DST: variants seen among roughly 807,000 people sequenced by gnomAD.
DST encodes the protein bullous pemphigoid antigen.
In DST, 253 loss-of-function variants were observed where a neutral mutation model predicts 875.2. That is an observed-to-expected ratio of 0.29 (90% CI 0.26 to 0.32). The LOEUF is 0.32. Among genes scored for constraint, DST ranks in the 10% least tolerant of loss-of-function variants. DST has a pLI of 1.00. For synonymous variants in DST, 3,124 were observed against 3,197.1 expected (o/e 0.98, Z 0.77); for missense variants, 8,287 against 9,111.6 (o/e 0.91, Z 3.68).
intron 9 of DST, among the ~76,000 whole-genome samples, chr6:56,694,099 A>G (rs2099249020): frequency 6.6e-6 from 1 of 150,496 alleles, no homozygotes; most frequent in African/African-American, 2.4e-5. Flanking sequence ...TTTTATAATC[A>G]TACCCTAGTT....
intron 4 of DST, among the ~76,000 whole-genome samples, chr6:56,793,480 A>G (rs961580959): frequency 7.9e-5 from 12 of 152,340 alleles, no homozygotes; most frequent in Non-Finnish European, 1.6e-4. Context: ...GTAGACTTTA[A>G]GTTTTTCAAA....
At position 56,704,270 on chromosome 6, in the gene DST, T is replaced by G. The variant is rs762269607; in HGVS notation, c.777+10A>C. On this transcript the variant is annotated intron_variant, in intron 6 of 103. Transcript: ENST00000680361. The stretch of plus-strand genomic sequence containing the variant: ...GTTCTTCAAAATAAAATAAGAAAGT[T>G]AAAACTTACCAAGGTATCTCCTGAA... The G allele has an allele frequency of 1.4e-6, 2 of 1,415,572 alleles. No homozygotes were observed. The highest frequency in any genetic ancestry group is 1.9e-6 in the Non-Finnish European group (2 of 1,031,628). 87.7% of individuals were successfully genotyped at this position (1,415,572 alleles called of 1,614,324 possible).
chr6:56,680,020 G>T (rs1373903762), intron 9 of DST, among the ~76,000 whole-genome samples: 1 of 151,902 alleles, frequency 6.6e-6, no homozygotes, highest in Non-Finnish European at 1.5e-5. Context: ...TCTCACGTGG[G>T]TCTCTCAGTA....
intron 2 of DST, among the ~76,000 whole-genome samples, chr6:56,942,064 G>A (rs1009099973): frequency 3.3e-5 from 5 of 152,016 alleles, no homozygotes; most frequent in Admixed American, 6.5e-5. Context: ...TCATCATTGC[G>A]GAACATCCCT....
chr6:56,693,247 A>G (rs2099244123), intron 9 of DST: 5 of 1,201,936 alleles, frequency 4.2e-6, no homozygotes, highest in Middle Eastern at 2.3e-4. Context: ...CCACTCTGAC[A>G]TCTGTTCCAC....
chr6:56,848,496 T>C (rs1233493916), intron 4 of DST, among the ~76,000 whole-genome samples: 1 of 152,176 alleles, frequency 6.6e-6, no homozygotes, highest in African/African-American at 2.4e-5. Flanking sequence ...AAATTAGAAG[T>C]TGAATTTTCA....
intron 29 of DST, 94 bp downstream of exon 29, chr6:56,631,789 A>T: frequency 1.8e-6 from 2 of 1,134,544 alleles, no homozygotes; most frequent in Non-Finnish European, 2.7e-6. Context: ...GGCTAGTGTG[A>T]GTGTGCAAAA....
At chr6:56,486,118 C>T (rs2095551502) in intron 87 of DST, among the ~76,000 whole-genome samples, 1 of 152,076 alleles carries the variant, frequency 6.6e-6, no homozygotes, top group African/African-American at 2.4e-5. Flanking sequence ...AATCCCAGCA[C>T]TTTGGGAGGC....
chr6:56,633,742 T>C (rs1342295233), intron 27 of DST, among the ~76,000 whole-genome samples: 1 of 151,656 alleles, frequency 6.6e-6, no homozygotes, highest in Non-Finnish European at 1.5e-5. Flanking sequence ...TCTTAGGTGA[T>C]CCACCTGCCT....
chr6:56,642,932 T>C (rs2098920632), intron 15 of DST: 1 of 1,499,638 alleles, frequency 6.7e-7, no homozygotes, highest in East Asian at 2.4e-5. Flanking sequence ...TGCTTCAACA[T>C]GCATATGCAA....
At chr6:56,902,771 GA>G (rs1794726185) in intron 2 of DST, among the ~76,000 whole-genome samples, 1 of 152,212 alleles carries the variant, frequency 6.6e-6, no homozygotes, top group African/African-American at 2.4e-5. Context: ...AGCTGCTGGA[GA>G]AGAGGATTAA....
At chr6:56,820,266 A>G (rs2099771534) in intron 4 of DST, among the ~76,000 whole-genome samples, 1 of 152,194 alleles carries the variant, frequency 6.6e-6, no homozygotes, top group East Asian at 1.9e-4. Flanking sequence ...AAACACTTAT[A>G]CTATGCTTGG....
chr6:56,822,763 G>C (rs534759735), intron 4 of DST, among the ~76,000 whole-genome samples: 5 of 151,518 alleles, frequency 3.3e-5, no homozygotes, highest in African/African-American at 1.2e-4. Flanking sequence ...AGAGGTTCTA[G>C]AACTATATAC....
chr6:56,597,680 T>C lies in DST; in HGVS notation c.12195+60A>G, dbSNP rs918178017. The C allele has an allele frequency of 1.9e-6, 3 of 1,539,640 alleles. No homozygotes were observed. In the African/African-American group the frequency reaches 4.1e-5, roughly 21 times the overall value. On this transcript the variant is annotated intron_variant, in intron 47 of 103. Coordinates refer to ENST00000680361, the MANE Select transcript of DST (RefSeq NM_001374736.1). ...GAAAAGAACTCATGTGCTAGGTTATTTCTCTCTTTACCAACCTGGAAATAG... is the reference window on the plus strand; with the variant it reads ...GAAAAGAACTCATGTGCTAGGTTATCTCTCTCTTTACCAACCTGGAAATAG...
At position 56,463,029 on chromosome 6, in the gene DST, C is replaced by CT; in HGVS notation, c.23070+16dup. 1 of 1,473,342 alleles carries CT rather than the reference C, an allele frequency of 6.8e-7. No individual in the cohort carries two copies. Among genetic ancestry groups the CT allele is most frequent in the African/African-American group, 1.4e-5 (1 of 72,254 alleles). 91.3% of individuals were successfully genotyped at this position (1,473,342 alleles called of 1,614,324 possible). Reference sequence around the variant, plus strand: ...TAAAGGAGAATGTTAAGACTGGACTCTGGGGCCTTACAATACCTCTGCAGA... The same window carrying CT: ...TAAAGGAGAATGTTAAGACTGGACTCTTGGGGCCTTACAATACCTCTGCAGA... On this transcript the variant is annotated intron_variant, in intron 102 of 103. Coordinates refer to ENST00000680361, the MANE Select transcript of DST (RefSeq NM_001374736.1).
At chr6:56,535,866 G>A (rs2096986930) in intron 62 of DST, among the ~76,000 whole-genome samples, 1 of 152,104 alleles carries the variant, frequency 6.6e-6, no homozygotes, top group Non-Finnish European at 1.5e-5. Context: ...ATATCTTATT[G>A]CTTGTCTCAA....
At chr6:56,554,037 C>T (rs1020649649) in intron 60 of DST, among the ~76,000 whole-genome samples, 15 of 148,548 alleles carry the variant, frequency 1.0e-4, no homozygotes, top group African/African-American at 3.7e-4. Flanking sequence ...ATAAATAATC[C>T]ATCTCTTATT....
In DST at chr6:56,714,180, C is replaced by T. The variant is rs931530553; in HGVS notation, c.688-9811G>A. 1.3e-5 allele frequency among the ~76,000 whole-genome samples: 2 copies of T among 152,070 alleles called. No homozygotes were observed. The highest frequency in any genetic ancestry group is 2.9e-5 in the Non-Finnish European group (2 of 68,022). ...TCATATTTTTCTAAAATAAAACCAC[C>T]CAAAATCATATCTGGGGAACTGATA... On this transcript the variant is annotated intron_variant, in intron 5 of 103. Transcript: ENST00000680361. The surrounding 1 kb of genome is among the most constrained non-coding windows in gnomAD (Gnocchi z 4.5).
intron 4 of DST, among the ~76,000 whole-genome samples, chr6:56,781,780 A>AGG (rs948889041): frequency 7.2e-5 from 11 of 152,058 alleles, no homozygotes; most frequent in African/African-American, 2.7e-4. Context: ...GTGGTGAGAG[A>AGG]GGGCATCCCT....
Sources: allele counts gnomAD v4.1 joint callset (sites outside exome capture counted in the v4.1 genomes callset), GRCh38; gene constraint gnomAD v4.1.1; non-coding constraint Gnocchi (gnomAD v3.1); transcripts MANE v1.5; gene names NCBI Gene and HGNC (gene_info 2026-07-23, HGNC 2026-07-21).